The following NHSL1 variants were observed in gnomAD, a reference collection of about 807,000 sequenced individuals.
NHSL1 encodes the protein NHS-like protein 1.
In NHSL1, 48 loss-of-function variants were observed where a neutral mutation model predicts 95.0. The ratio of observed to expected loss-of-function variants is 0.51; its 90% confidence interval spans 0.40 to 0.64. The LOEUF is 0.64. Among genes scored for constraint, NHSL1 ranks in the 30% least tolerant of loss-of-function variants. The pLI, the probability that NHSL1 is intolerant of heterozygous loss-of-function variation, is 0.00. For synonymous variants in NHSL1, 783 were observed against 833.9 expected (o/e 0.94, Z 1.05); for missense variants, 1,971 against 2,077.7 (o/e 0.95, Z 1.00).
At chr6:138,632,899 A>G (rs573779702) in intron 1 of NHSL1, among the ~76,000 whole-genome samples, 191 of 152,324 alleles carry the variant, frequency 1.3e-3, no homozygotes, top group African/African-American at 4.3e-3. Flanking sequence ...GGAGAAAGAG[A>G]TATGTGACCT....
At chr6:138,663,265 T>C (rs1048445101) in intron 1 of NHSL1, among the ~76,000 whole-genome samples, 1 of 152,028 alleles carries the variant, frequency 6.6e-6, no homozygotes, top group Non-Finnish European at 1.5e-5. Context: ...TGTCTGTGTA[T>C]ATTAAAAATT....
At chr6:138,653,058 G>C (rs996873955) in intron 1 of NHSL1, among the ~76,000 whole-genome samples, 1 of 152,206 alleles carries the variant, frequency 6.6e-6, no homozygotes, top group African/African-American at 2.4e-5. Context: ...CTTGCCTGCA[G>C]AGCTAAACAG....
Position 138,422,482 on chromosome 6 carries a change from T to C in NHSL1, c.*1599A>G, listed in dbSNP as rs1226445893. 6.6e-6 allele frequency: 1 copy of C among 152,222 alleles called. No homozygotes were observed. Among genetic ancestry groups the C allele is most frequent in the Non-Finnish European group, 1.5e-5 (1 of 68,044 alleles). 9.4% of individuals were successfully genotyped at this position (152,222 alleles called of 1,614,324 possible). Reference sequence around the variant, plus strand: ...TGACCCATGCAGTCCAACTTTTAGATAGTATTTCCATACCCCCCAAAAGCT... The same window carrying C: ...TGACCCATGCAGTCCAACTTTTAGACAGTATTTCCATACCCCCCAAAAGCT... On this transcript the variant is annotated 3_prime_UTR_variant, in exon 8 of 8. Transcript: ENST00000343505.
At chr6:138,648,352 G>GAAAA (rs58429767) in intron 1 of NHSL1, among the ~76,000 whole-genome samples, 1,703 of 134,000 alleles carry the variant, frequency 0.013, 25 homozygotes, top group East Asian at 0.069. Context: ...TACGGACACT[G>GAAAA]AAAAAAAAAA....
chr6:138,437,381 TATATACAC>T lies in NHSL1; in HGVS notation c.665-3709_665-3702del, dbSNP rs1301479588. Reference sequence around the variant, plus strand: ...ACACATATATATATATACACATATATATATACACATATATATATATATACACACATATA... The same window carrying T: ...ACACATATATATATATACACATATATATATATATATATATACACACATATA... On this transcript the variant is annotated intron_variant, in intron 5 of 7. Transcript: ENST00000343505. Among the ~76,000 whole-genome samples the T allele has an allele frequency of 3.3e-3, 364 of 111,190 alleles. 12 individuals carry two copies. Among genetic ancestry groups the T allele is most frequent in the African/African-American group, 0.014 (345 of 24,638 alleles). 72.9% of individuals were successfully genotyped at this position (111,190 alleles called of 152,430 possible). A position where few individuals can be genotyped will look rare whatever the true frequency, so the allele number is the denominator to read the frequency against.
At chr6:138,434,719 C>T (rs1039236692) in intron 5 of NHSL1, among the ~76,000 whole-genome samples, 6 of 152,190 alleles carry the variant, frequency 3.9e-5, no homozygotes, top group Non-Finnish European at 5.9e-5. Flanking sequence ...CTGAGCAATG[C>T]GAGTCAAGCA....
At chr6:138,543,678 T>A (rs1782671801) in intron 1 of NHSL1, among the ~76,000 whole-genome samples, 2 of 152,204 alleles carry the variant, frequency 1.3e-5, no homozygotes, top group Non-Finnish European at 2.9e-5. Context: ...TTTTCCAAAG[T>A]AAGAACACAA....
upstream of NHSL1, among the ~76,000 whole-genome samples, chr6:138,500,783 T>C (rs1325301936): frequency 6.6e-6 from 1 of 152,218 alleles, no homozygotes. Context: ...TCAGGTCTTT[T>C]TATGCCCTTT....
chr6:138,521,727 G>A (rs1295751298), intron 1 of NHSL1, among the ~76,000 whole-genome samples: 1 of 152,154 alleles, frequency 6.6e-6, no homozygotes, highest in Non-Finnish European at 1.5e-5. Flanking sequence ...TTGGGGAGGA[G>A]AACCCGGAGG....
At chr6:138,526,818 T>C (rs1378992376) in intron 1 of NHSL1, among the ~76,000 whole-genome samples, 1 of 152,234 alleles carries the variant, frequency 6.6e-6, no homozygotes, top group Non-Finnish European at 1.5e-5. Context: ...AGTCTGCTTT[T>C]AAAATTTAAA....
chr6:138,539,686 C>A (rs1782504386), intron 1 of NHSL1, among the ~76,000 whole-genome samples: 1 of 152,208 alleles, frequency 6.6e-6, no homozygotes, highest in Non-Finnish European at 1.5e-5. Flanking sequence ...GAAATCTTAG[C>A]TAATGCTTTC....
intron 1 of NHSL1, among the ~76,000 whole-genome samples, chr6:138,661,907 C>G (rs1562405698): frequency 1.3e-5 from 2 of 151,854 alleles, no homozygotes; most frequent in African/African-American, 4.8e-5. Context: ...TCTGTCTCTA[C>G]AAAAAATTAG....
At chr6:138,556,126 G>T (rs934812535) in intron 1 of NHSL1, among the ~76,000 whole-genome samples, 1 of 151,904 alleles carries the variant, frequency 6.6e-6, no homozygotes. Context: ...AGAAGAAAAT[G>T]TGTGGTCATT....
Position 138,659,138 on chromosome 6 carries a change from TTTCCGAGTTCAAGTGATTCTCC to T in NHSL1, c.96+33316_96+33337del, listed in dbSNP as rs531912271. Among the ~76,000 whole-genome samples, 18 of 148,382 alleles carry T rather than the reference TTTCCGAGTTCAAGTGATTCTCC, an allele frequency of 1.2e-4. No homozygotes were observed. The South Asian group carries it at 3.9e-3, about 32-fold the overall frequency. Reference sequence around the variant, plus strand: ...GATCTTGGCTCACTGCAACCTCCACTTTCCGAGTTCAAGTGATTCTCCTGCCTTAGCCTCCTGAGACGCTGGG... The same window carrying T: ...GATCTTGGCTCACTGCAACCTCCACTTGCCTTAGCCTCCTGAGACGCTGGG... On this transcript the variant is annotated intron_variant, in intron 1 of 3. Coordinates refer to the NHSL1 transcript ENST00000491526.
At position 138,424,161 on chromosome 6, in the gene NHSL1, CGGGGGCCT is replaced by C; in HGVS notation, c.4733_4740del (p.Gln1578ArgfsTer32). On this transcript the variant is annotated frameshift_variant, in exon 8 of 8. Transcript: ENST00000343505. LOFTEE classifies it low-confidence loss of function (END_TRUNC). The surrounding 1 kb of genome is among the most constrained non-coding windows in gnomAD (Gnocchi z 5.9). ...GCACTGGCTGTCCCATCCACAGGGCCGGGGGCCTGGGGCTGCAGGGAGGCGGCAGGCCC... is the reference window on the plus strand; with the variant it reads ...GCACTGGCTGTCCCATCCACAGGGCCGGGGCTGCAGGGAGGCGGCAGGCCC... 6.9e-7 allele frequency: 1 copy of C among 1,453,560 alleles called. No homozygotes were observed. The highest frequency in any genetic ancestry group is 9.0e-7 in the Non-Finnish European group (1 of 1,107,488). 90.0% of individuals were successfully genotyped at this position (1,453,560 alleles called of 1,614,324 possible).
intron 2 of NHSL1, among the ~76,000 whole-genome samples, chr6:138,476,957 TA>T (rs58311101): frequency 0.029 from 2,892 of 100,270 alleles, 17 homozygotes; most frequent in Non-Finnish European, 0.048. Context: ...TCCCTGAATC[TA>T]AAAAAAAAAA....
intron 4 of NHSL1, among the ~76,000 whole-genome samples, chr6:138,443,995 A>T (rs188743455): frequency 1.3e-5 from 2 of 152,356 alleles, no homozygotes; most frequent in African/African-American, 4.8e-5. Flanking sequence ...ATCTTGCATC[A>T]TGACCTAAAA....
At chr6:138,552,918 C>A (rs1783063006) in intron 1 of NHSL1, among the ~76,000 whole-genome samples, 1 of 152,178 alleles carries the variant, frequency 6.6e-6, no homozygotes, top group African/African-American at 2.4e-5. Context: ...AAGCATAGTG[C>A]CTATGGCTGA....
chr6:138,689,213 G>C (rs1249074735), intron 1 of NHSL1, among the ~76,000 whole-genome samples: 1 of 152,134 alleles, frequency 6.6e-6, no homozygotes, highest in Non-Finnish European at 1.5e-5. Flanking sequence ...GAAAAACAAA[G>C]ACTCGGCCAT....
Sources: allele counts gnomAD v4.1 joint callset (sites outside exome capture counted in the v4.1 genomes callset), GRCh38; gene constraint gnomAD v4.1.1; non-coding constraint Gnocchi (gnomAD v3.1); transcripts MANE v1.5; gene names NCBI Gene and HGNC (gene_info 2026-07-23, HGNC 2026-07-21).